Variants in PSME3IP1 observed in about 807,000 individuals in gnomAD.
PSME3IP1 encodes PSME3-interacting protein.
Under a neutral mutation model 34.1 loss-of-function variants are expected in PSME3IP1, and 13 were observed. That is an observed-to-expected ratio of 0.38 (90% confidence interval 0.25 to 0.61). The LOEUF is 0.61. PSME3IP1 is among the 20% of genes least tolerant of loss of function. PSME3IP1 has a pLI of 0.60. For synonymous variants in PSME3IP1, 93 were observed against 114.3 expected (o/e 0.81, Z 1.19); for missense variants, 237 against 301.4 (o/e 0.79, Z 1.58).
intron 1 of PSME3IP1, among the ~76,000 whole-genome samples, chr16:57,177,967 C>A (rs192656700): frequency 1.2e-4 from 18 of 152,278 alleles, no homozygotes; most frequent in Admixed American, 9.8e-4. Context: ...CTAGCCTGGG[C>A]AACAGAGTGA....
intron 1 of PSME3IP1, 39 bp from the exon 2 acceptor site, chr16:57,173,908 G>T: frequency 6.3e-7 from 1 of 1,582,720 alleles, no homozygotes; most frequent in Non-Finnish European, 8.6e-7. Context: ...ATCATTTCAA[G>T]TGAGAACTGC....
intron 1 of PSME3IP1, among the ~76,000 whole-genome samples, chr16:57,180,166 G>T (rs2073565278): frequency 1.3e-5 from 2 of 152,160 alleles, no homozygotes; most frequent in African/African-American, 4.8e-5. Flanking sequence ...CACAGAAAAA[G>T]AAATTTAATC....
chr16:57,166,074 T>C (rs1040171784), intron 5 of PSME3IP1, among the ~76,000 whole-genome samples: 15 of 152,246 alleles, frequency 9.9e-5, no homozygotes, highest in African/African-American at 3.4e-4. Context: ...CTCCCCTCTG[T>C]TGCTATACCA....
rs571674855 is a variant in PSME3IP1 at position 57,185,890 on chromosome 16, G to C, written c.-85C>G. On this transcript the variant is annotated 5_prime_UTR_variant, in exon 1 of 7. Transcript: ENST00000309137. Reference sequence around the variant, plus strand: ...CACCCCAAACCGCCACCGCAGAGCCGCTCGCTCTTAAAAAAGAAAAAAAAA... The same window carrying C: ...CACCCCAAACCGCCACCGCAGAGCCCCTCGCTCTTAAAAAAGAAAAAAAAA... The C allele has an allele frequency of 1.3e-5, 13 of 983,646 alleles. 1 individual carries two copies. In the South Asian group the frequency reaches 2.8e-4, roughly 21 times the overall value. 60.9% of individuals were successfully genotyped at this position (983,646 alleles called of 1,614,324 possible). A position where few individuals can be genotyped will look rare whatever the true frequency, so the allele number is the denominator to read the frequency against.
rs535488737 is a variant in PSME3IP1 at position 57,173,785 on chromosome 16, G to A, written c.70C>T (p.Arg24Trp). The A allele has an allele frequency of 1.7e-5, 28 of 1,613,920 alleles. No homozygotes were observed. Among genetic ancestry groups the A allele is most frequent in the Admixed American group, 5.0e-5 (3 of 59,998 alleles). ...CATTCTTCTTGCCTCCTTTTGCGCC[G>A]TTCATCTAGTTCTGCCTCAGACACA... is the stretch of plus-strand genomic sequence containing the variant. ...RFVSEAELDE[R>W]RKRRQEEWEK... is the part of the protein sequence containing the mutation. Residue 24 changes from arginine to tryptophan, a missense_variant, in exon 2 of 7, where the codon CGG (arginine) becomes TGG (tryptophan). Coordinates refer to ENST00000309137, the MANE Select transcript of PSME3IP1 (RefSeq NM_024946.4).
chr16:57,158,314 G>A lies in PSME3IP1; in HGVS notation c.548-3807C>T, dbSNP rs112414221. Among the ~76,000 whole-genome samples, 1,232 of 152,348 alleles carry A rather than the reference G, an allele frequency of 8.1e-3. 21 individuals are homozygous for A. The highest frequency in any genetic ancestry group is 0.029 in the African/African-American group (1,186 of 41,574). On this transcript the variant is annotated intron_variant, in intron 6 of 6. Coordinates refer to ENST00000309137, the MANE Select transcript of PSME3IP1 (RefSeq NM_024946.4). Reference sequence around the variant, plus strand: ...TTTAAAAAAAACAAACCAGCCAGGCGTGGTGGCTCACGCCTGTAATCCCAA... The same window carrying A: ...TTTAAAAAAAACAAACCAGCCAGGCATGGTGGCTCACGCCTGTAATCCCAA...
intron 4 of PSME3IP1, among the ~76,000 whole-genome samples, chr16:57,169,510 T>C (rs1310205509): frequency 3.3e-5 from 5 of 152,188 alleles, no homozygotes; most frequent in Admixed American, 6.5e-5. Context: ...GGCCTGCTTT[T>C]CTTCAGTTTT....
At position 57,171,698 on chromosome 16, in the gene PSME3IP1, G is replaced by T. The variant is rs150370212; in HGVS notation, c.348+553C>A. ...AGAAAAAGAAGAGACTTTGGGGAAGGGCAGTGTGATGAGAGTGGGGGTGAT... is the reference window on the plus strand; with the variant it reads ...AGAAAAAGAAGAGACTTTGGGGAAGTGCAGTGTGATGAGAGTGGGGGTGAT... On this transcript the variant is annotated intron_variant, in intron 4 of 6. Transcript: ENST00000309137. Among the ~76,000 whole-genome samples, 518 of 152,264 alleles carry T rather than the reference G, an allele frequency of 3.4e-3. 1 individual carries two copies. The highest frequency in any genetic ancestry group is 5.6e-3 in the Non-Finnish European group (384 of 68,024).
rs755566928 is a variant in PSME3IP1 at position 57,173,734 on chromosome 16, G to C, written c.121C>G (p.Pro41Ala). The C allele has an allele frequency of 1.9e-6, 3 of 1,613,672 alleles. No homozygotes were observed. The East Asian group carries it at 6.7e-5, about 36-fold the overall frequency. ...ACTGACTGTCACAGTATACCTTCTGGATCTTCAGGTTTTCGAACTTTCTCC... is the reference window on the plus strand; with the variant it reads ...ACTGACTGTCACAGTATACCTTCTGCATCTTCAGGTTTTCGAACTTTCTCC... Reference protein sequence around the residue: ...EWEKVRKPEDPEECPEEVYDP... With the variant: ...EWEKVRKPEDAEECPEEVYDP... The change falls in exon 2 of 7, where the codon CCA (proline) becomes GCA (alanine). Residue 41 changes from proline to alanine, a missense_variant. Physicochemically the swap from Pro to Ala is conservative, Grantham distance 27. Transcript: ENST00000309137.
Position 57,154,962 on chromosome 16 carries a change from A to C in PSME3IP1, c.548-455T>G, listed in dbSNP as rs1223955295. On this transcript the variant is annotated intron_variant, in intron 6 of 6. Transcript: ENST00000309137. The surrounding 1 kb of genome is among the most constrained non-coding windows in gnomAD (Gnocchi z 4.0). ...TTACACCATTTCTTATTTACTGACC[A>C]ATAAGCCAGCTAGCACAGATACAAT... Among the ~76,000 whole-genome samples, 1 of 152,236 alleles carries C rather than the reference A, an allele frequency of 6.6e-6. No individual in the cohort carries two copies. Among genetic ancestry groups the C allele is most frequent in the Non-Finnish European group, 1.5e-5 (1 of 68,052 alleles).
upstream of PSME3IP1, chr16:57,186,103 G>C: frequency 1.0e-6 from 1 of 985,510 alleles, no homozygotes; most frequent in African/African-American, 1.7e-5. Flanking sequence ...CCGGGAGCCC[G>C]ATGGAAATCC....
chr16:57,170,762 G>A (rs777740583), intron 4 of PSME3IP1, among the ~76,000 whole-genome samples: 31 of 152,116 alleles, frequency 2.0e-4, no homozygotes, highest in Non-Finnish European at 4.1e-4. Context: ...CTTTCAGATA[G>A]TGACAAATCT....
chr16:57,158,819 T>C (rs947171384), intron 6 of PSME3IP1, among the ~76,000 whole-genome samples: 1 of 152,210 alleles, frequency 6.6e-6, no homozygotes, highest in Non-Finnish European at 1.5e-5. Flanking sequence ...ACTACACATG[T>C]AGGCCACATG....
chr16:57,171,172 C>A (rs141346460), intron 4 of PSME3IP1, among the ~76,000 whole-genome samples: 1 of 152,094 alleles, frequency 6.6e-6, no homozygotes, highest in Non-Finnish European at 1.5e-5. Flanking sequence ...CTGTGAAATG[C>A]ATCTTGCAAA....
intron 1 of PSME3IP1, among the ~76,000 whole-genome samples, chr16:57,183,794 C>A (rs1597800818): frequency 6.6e-6 from 1 of 152,162 alleles, no homozygotes; most frequent in Non-Finnish European, 1.5e-5. Flanking sequence ...TATGAGATAA[C>A]AGAAACAAGT....
rs1203694272 is a variant in PSME3IP1 at position 57,173,758 on chromosome 16, C to G, written c.97G>C (p.Glu33Gln). The G allele has an allele frequency of 6.2e-7, 1 of 1,614,140 alleles. No individual in the cohort carries two copies. The highest frequency in any genetic ancestry group is 8.5e-7 in the Non-Finnish European group (1 of 1,180,032). ...GGATCTTCAGGTTTTCGAACTTTCT[C>G]CCATTCTTCTTGCCTCCTTTTGCGC... ...ERRKRRQEEW[E>Q]KVRKPEDPEE... is the part of the protein sequence containing the mutation. The change falls in exon 2 of 7, where the codon GAG (glutamate) becomes CAG (glutamine). Residue 33 changes from glutamate (E) to glutamine (Q), a missense_variant. Transcript: ENST00000309137.
intron 4 of PSME3IP1, among the ~76,000 whole-genome samples, chr16:57,170,999 G>T (rs775197361): frequency 6.6e-6 from 1 of 152,122 alleles, no homozygotes; most frequent in Non-Finnish European, 1.5e-5. Flanking sequence ...CTTGAACCCG[G>T]GAGGCGGAGG....
chr16:57,160,762 T>A (rs1456671682), intron 6 of PSME3IP1, among the ~76,000 whole-genome samples: 1 of 152,214 alleles, frequency 6.6e-6, no homozygotes, highest in Admixed American at 6.5e-5. Context: ...AACTGCTGAA[T>A]TAAGCAATGA....
intron 1 of PSME3IP1, among the ~76,000 whole-genome samples, chr16:57,180,782 C>T (rs548586703): frequency 6.6e-6 from 1 of 152,016 alleles, no homozygotes; most frequent in African/African-American, 2.4e-5. Flanking sequence ...AGGCTAGGCA[C>T]AGTGGCTCAT....
Sources: allele counts gnomAD v4.1 joint callset (sites outside exome capture counted in the v4.1 genomes callset), GRCh38; gene constraint gnomAD v4.1.1; non-coding constraint Gnocchi (gnomAD v3.1); transcripts MANE v1.5; gene names NCBI Gene and HGNC (gene_info 2026-07-23, HGNC 2026-07-21).